The following CBLN2 variants were observed in gnomAD, a reference collection of about 807,000 sequenced individuals.
The protein encoded by CBLN2 is cerebellin 2 precursor.
Under a neutral mutation model 15.0 loss-of-function variants are expected in CBLN2, and 7 were observed. The ratio of observed to expected loss-of-function variants is 0.47; its 90% CI spans 0.27 to 0.88. The LOEUF (loss-of-function observed/expected upper bound fraction) is 0.88. Ranked by LOEUF, CBLN2 falls within the 40% of genes least tolerant of loss-of-function variation. The pLI is 0.14. For synonymous variants in CBLN2, 149 were observed against 135.2 expected, an observed-to-expected ratio of 1.10 and a Z score of -0.71; for missense variants, 242 against 304.5, an observed-to-expected ratio of 0.79 and a Z score of 1.53.
At chr18:72,567,070 G>T (rs1237871052) in intron 1 of CBLN2, among the ~76,000 whole-genome samples, 1 of 152,048 alleles carries the variant, frequency 6.6e-6, no homozygotes, top group Non-Finnish European at 1.5e-5. Flanking sequence ...CAATCCACCT[G>T]CCTCAGCCTC....
chr18:72,544,941 T>C (rs1401519119), upstream of CBLN2, among the ~76,000 whole-genome samples: 2 of 150,836 alleles, frequency 1.3e-5, no homozygotes, highest in African/African-American at 4.9e-5. Flanking sequence ...TACTTTGTCC[T>C]TTGACATGCA....
At chr18:72,544,877 A>G (rs574995152), upstream of CBLN2, among the ~76,000 whole-genome samples, 3 of 151,382 alleles carry the variant, frequency 2.0e-5, no homozygotes, top group Non-Finnish European at 4.4e-5. Flanking sequence ...AAAACAATCA[A>G]TATTTAAATC....
chr18:72,552,915 A>T, intron 1 of CBLN2, among the ~76,000 whole-genome samples: 1 of 152,226 alleles, frequency 6.6e-6, no homozygotes, highest in East Asian at 1.9e-4. Flanking sequence ...TAGTGGAATT[A>T]GGAAAGTGTT....
chr18:72,616,148 C>T (rs2069660593), intron 1 of CBLN2, among the ~76,000 whole-genome samples: 1 of 152,140 alleles, frequency 6.6e-6, no homozygotes, highest in Admixed American at 6.5e-5. Flanking sequence ...CTTTTGAAAT[C>T]AATCAATGTT....
chr18:72,632,855 T>G (rs2069785960), intron 1 of CBLN2, among the ~76,000 whole-genome samples: 1 of 152,214 alleles, frequency 6.6e-6, no homozygotes, highest in Admixed American at 6.6e-5. Flanking sequence ...GTTCTGCTGT[T>G]TTGTAGCTGG....
At chr18:72,589,206 T>A (rs149982738) in intron 1 of CBLN2, among the ~76,000 whole-genome samples, 2 of 152,154 alleles carry the variant, frequency 1.3e-5, no homozygotes, top group East Asian at 1.9e-4. Flanking sequence ...AAGTAATAAT[T>A]GGGGAGTAAA....
At chr18:72,631,222 T>C (rs936105668) in intron 1 of CBLN2, 5 of 152,174 alleles carry the variant, frequency 3.3e-5, no homozygotes, top group East Asian at 1.9e-4. Flanking sequence ...ACTGGCCTTC[T>C]TATGGGAATA....
intron 1 of CBLN2, chr18:72,618,656 T>G (rs577373749): frequency 1.2e-6 from 1 of 858,106 alleles, no homozygotes; most frequent in South Asian, 1.3e-5. Flanking sequence ...TCTGGAAAAA[T>G]CGAAGTGATT....
At chr18:72,571,299 G>A (rs980558550) in intron 1 of CBLN2, among the ~76,000 whole-genome samples, 3 of 152,060 alleles carry the variant, frequency 2.0e-5, no homozygotes, top group Non-Finnish European at 2.9e-5. Context: ...TTTACTAAAC[G>A]AGAGTGCAAA....
intron 1 of CBLN2, among the ~76,000 whole-genome samples, chr18:72,635,155 G>A (rs1477508351): frequency 1.3e-5 from 2 of 151,900 alleles, no homozygotes; most frequent in Non-Finnish European, 2.9e-5. Context: ...CTTGAGTACC[G>A]GACTCAAGTA....
At position 72,567,212 on chromosome 18, in the gene CBLN2, G is replaced by A. The variant is rs560800890; in HGVS notation, c.16-28440C>T. 2.6e-5 allele frequency among the ~76,000 whole-genome samples: 4 copies of A among 152,162 alleles called. No homozygotes were observed. In the South Asian group the frequency reaches 8.3e-4, roughly 32 times the overall value. ...TGTGCATGCATTGAAACATCATACCGTATTCCATAAATATGTATGATTATC... is the reference window on the plus strand; with the variant it reads ...TGTGCATGCATTGAAACATCATACCATATTCCATAAATATGTATGATTATC... On this transcript the variant is annotated intron_variant, in intron 1 of 2. Transcript: ENST00000581073.
chr18:72,538,873 G>A lies in CBLN2; in HGVS notation c.358-101C>T, dbSNP rs1209940767. On this transcript the variant is annotated intron_variant, in intron 3 of 4. Transcript: ENST00000269503. The stretch of plus-strand genomic sequence containing the variant: ...CAGCAACACTGCCTCCTTCATCAGC[G>A]GCTGGGAACACAAATTCAGCATCCT... The A allele has an allele frequency of 2.1e-5, 31 of 1,466,602 alleles. No individual in the cohort carries two copies. In the Admixed American group the frequency reaches 3.4e-4, roughly 16 times the overall value. 90.8% of individuals were successfully genotyped at this position (1,466,602 alleles called of 1,614,324 possible).
chr18:72,591,650 AC>A (rs2069480456), intron 1 of CBLN2, among the ~76,000 whole-genome samples: 2 of 151,924 alleles, frequency 1.3e-5, no homozygotes, highest in African/African-American at 2.4e-5. Flanking sequence ...TGTCCCCACT[AC>A]CCTTCCCAGC....
intron 1 of CBLN2, among the ~76,000 whole-genome samples, chr18:72,616,384 G>T (rs1599024854): frequency 6.6e-6 from 1 of 152,216 alleles, no homozygotes; most frequent in East Asian, 1.9e-4. Context: ...GGGTGCCATG[G>T]CTTGGGTCAT....
intron 1 of CBLN2, among the ~76,000 whole-genome samples, chr18:72,564,656 T>A (rs1157689276): frequency 1.3e-5 from 2 of 152,282 alleles, no homozygotes; most frequent in East Asian, 3.9e-4. Context: ...ATTTATGAGA[T>A]ACCATTATGT....
At chr18:72,629,942 C>G (rs1357864386) in intron 1 of CBLN2, among the ~76,000 whole-genome samples, 4 of 152,038 alleles carry the variant, frequency 2.6e-5, no homozygotes, top group Non-Finnish European at 5.9e-5. Context: ...TTTGAACCAG[C>G]CAACTTGTCT....
intron 1 of CBLN2, among the ~76,000 whole-genome samples, chr18:72,631,618 T>C (rs1347878048): frequency 6.6e-6 from 1 of 152,094 alleles, no homozygotes; most frequent in Non-Finnish European, 1.5e-5. Flanking sequence ...CAGTGTCACA[T>C]CTCAACTGAC....
chr18:72,604,102 G>A (rs2069567547), intron 1 of CBLN2, among the ~76,000 whole-genome samples: 1 of 152,168 alleles, frequency 6.6e-6, no homozygotes, highest in African/African-American at 2.4e-5. Flanking sequence ...AATGGAATTT[G>A]AGAATCTGAT....
intron 1 of CBLN2, among the ~76,000 whole-genome samples, chr18:72,589,091 GGGAGGCAAGAAT>G (rs1367998508): frequency 6.6e-6 from 1 of 152,244 alleles, no homozygotes; most frequent in African/African-American, 2.4e-5. Flanking sequence ...ACTCATCGGT[GGGAGGCAAGAAT>G]GGAGGCAAGG....
Sources: gnomAD v4.1 joint callset for allele counts (sites outside exome capture counted in the v4.1 genomes callset) on GRCh38, gnomAD v4.1.1 for gene constraint, MANE v1.5 for transcripts, NCBI Gene and HGNC (gene_info 2026-07-23, HGNC 2026-07-21) for gene names.